TSPAN31: variants seen among roughly 807,000 people sequenced by gnomAD.
The protein encoded by TSPAN31 is tetraspanin 31.
In TSPAN31, 16 loss-of-function variants were observed where a neutral mutation model predicts 24.8. That is an observed-to-expected ratio of 0.64 (90% confidence interval 0.44 to 0.98). TSPAN31 has a LOEUF of 0.98. Ranked by LOEUF, TSPAN31 falls within the 50% of genes least tolerant of loss-of-function variation. TSPAN31 has a pLI of 0.00. For synonymous variants in TSPAN31, 87 were observed against 91.4 expected (o/e 0.95, Z 0.27); for missense variants, 209 against 251.6 (o/e 0.83, Z 1.15).
At position 57,745,055 on chromosome 12, in the gene TSPAN31, C is replaced by G. The variant is rs1955129840; in HGVS notation, c.-100C>G. On this transcript the variant is annotated 5_prime_UTR_variant, in exon 1 of 6. Transcript: ENST00000257910. ...GCGCAGAGTATTGGGTTTGGCTGGC[C>G]TCGATTTAAAGAGACAGAAGCTGTC... 1 of 1,196,128 alleles carries G rather than the reference C, an allele frequency of 8.4e-7. No homozygotes were observed. The highest frequency in any genetic ancestry group is 1.3e-5 in the South Asian group (1 of 76,106). The allele number at this position is 1,196,128 out of a possible 1,614,324, so 74.1% of individuals were successfully genotyped here.
rs2140382521 is a variant in TSPAN31, at chr12:57,749,166, C to T, written c.*1876C>T. On this transcript the variant is annotated 3_prime_UTR_variant, in exon 6 of 6. Transcript: ENST00000257910. ...GTCTCTATTTCTTTCCCTGTGCCCA[C>T]AGCCATCTCCAGTACCAGCAGCAGC... 6.2e-7 allele frequency: 1 copy of T among 1,614,036 alleles called. No individual in the cohort carries two copies. The highest frequency in any genetic ancestry group is 8.5e-7 in the Non-Finnish European group (1 of 1,179,856).
rs758702427 is a variant in TSPAN31, at chr12:57,746,208, CCAATTTGTAATCT to C, written c.266_278del (p.Gln89LeufsTer23). The C allele has an allele frequency of 6.2e-7, 1 of 1,614,172 alleles. No individual in the cohort carries two copies. Among genetic ancestry groups the C allele is most frequent in the Non-Finnish European group, 8.5e-7 (1 of 1,180,018 alleles). ...TCATCCTTGGTTTGGTCTTCATCTT[CCAATTTGTAATCT>C]CTTGCTCATGTCTGGCTATTAACCG... On this transcript the variant is annotated frameshift_variant, in exon 3 of 6. Coordinates refer to ENST00000257910, the MANE Select transcript of TSPAN31 (RefSeq NM_005981.5). LOFTEE classifies it high-confidence loss of function.
rs1487874911 is a variant in TSPAN31 at position 57,750,144 on chromosome 12, A to G, written c.*2854A>G. 2.7e-5 allele frequency: 4 copies of G among 148,058 alleles called. No homozygotes were observed. The highest frequency in any genetic ancestry group is 1.0e-4 in the African/African-American group (4 of 39,706). 9.2% of individuals were successfully genotyped at this position (148,058 alleles called of 1,614,324 possible). On this transcript the variant is annotated 3_prime_UTR_variant, in exon 6 of 6. Transcript: ENST00000257910. The stretch of plus-strand genomic sequence containing the variant: ...ACTCCAGCCTGGGTGACAGAGTGAA[A>G]CCTTATCTCAATAAATAAATAAATA...
Position 57,748,999 on chromosome 12 carries a change from C to T in TSPAN31, c.*1709C>T. 1 of 793,150 alleles carries T rather than the reference C, an allele frequency of 1.3e-6. No homozygotes were observed. The highest frequency in any genetic ancestry group is 1.6e-5 in the South Asian group (1 of 60,726). The allele number at this position is 793,150 out of a possible 1,614,324, so 49.1% of individuals were successfully genotyped here. A position where few individuals can be genotyped will look rare whatever the true frequency, so the allele number is the denominator to read the frequency against. ...GGGATTACAGGCGTGAGCCACCGTG[C>T]CCAGCCAGGATGGGTTCTCTTCTAT... is the stretch of plus-strand genomic sequence containing the variant. On this transcript the variant is annotated 3_prime_UTR_variant, in exon 6 of 6. Coordinates refer to ENST00000257910, the MANE Select transcript of TSPAN31 (RefSeq NM_005981.5).
intron 4 of TSPAN31, 59 bp downstream of exon 4, chr12:57,746,779 T>G (rs1955159758): frequency 1.2e-6 from 2 of 1,607,600 alleles, no homozygotes; most frequent in Non-Finnish European, 1.7e-6. Flanking sequence ...GTAAGGACAA[T>G]GCCCAAGTTG....
chr12:57,748,723 T>G lies in TSPAN31; in HGVS notation c.*1433T>G. The G allele has an allele frequency of 1.3e-6, 1 of 755,520 alleles. No homozygotes were observed. The highest frequency in any genetic ancestry group is 1.5e-5 in the South Asian group (1 of 66,494). 46.8% of individuals were successfully genotyped at this position (755,520 alleles called of 1,614,324 possible). A position where few individuals can be genotyped will look rare whatever the true frequency, so the allele number is the denominator to read the frequency against. ...CTTCTTTTTTCTTTTTTTTTTTTTT[T>G]GAGACGGAGTCTCGCTCTATCACCC... On this transcript the variant is annotated 3_prime_UTR_variant, in exon 6 of 6. Coordinates refer to ENST00000257910, the MANE Select transcript of TSPAN31 (RefSeq NM_005981.5).
At chr12:57,746,958 G>T in intron 4 of TSPAN31, 60 bp from the exon 5 acceptor site, 1 of 1,479,964 alleles carries the variant, frequency 6.8e-7, no homozygotes, top group South Asian at 1.1e-5. Context: ...ATTCGGCATA[G>T]GTATTAGTCA....
Position 57,749,233 on chromosome 12 carries a change from T to C in TSPAN31, c.*1943T>C, listed in dbSNP as rs752435107. The C allele has an allele frequency of 6.2e-7, 1 of 1,614,056 alleles. No homozygotes were observed. Among genetic ancestry groups the C allele is most frequent in the Non-Finnish European group, 8.5e-7 (1 of 1,179,904 alleles). ...CCATCTCAGGTACCACCGACTGCACTGGGCGGGGCCCTCTGGGGGGAAAGG... is the reference window on the plus strand; with the variant it reads ...CCATCTCAGGTACCACCGACTGCACCGGGCGGGGCCCTCTGGGGGGAAAGG... On this transcript the variant is annotated 3_prime_UTR_variant, in exon 6 of 6. Coordinates refer to ENST00000257910, the MANE Select transcript of TSPAN31 (RefSeq NM_005981.5).
At position 57,747,410 on chromosome 12, in the gene TSPAN31, C is replaced by A; in HGVS notation, c.*120C>A. ...AAAAAGGAAAGGCCCCTTGTCACAT[C>A]CTCTAAAATTGATGGAATAGCAAGA... On this transcript the variant is annotated 3_prime_UTR_variant, in exon 6 of 6. Coordinates refer to ENST00000257910, the MANE Select transcript of TSPAN31 (RefSeq NM_005981.5). The A allele has an allele frequency of 1.2e-6, 1 of 808,954 alleles. No homozygotes were observed. The highest frequency in any genetic ancestry group is 1.9e-6 in the Non-Finnish European group (1 of 513,406). The allele number at this position is 808,954 out of a possible 1,614,324, so 50.1% of individuals were successfully genotyped here.
chr12:57,748,489 C>T lies in TSPAN31; in HGVS notation c.*1199C>T, dbSNP rs2140380808. The T allele has an allele frequency of 2.0e-6, 3 of 1,471,562 alleles. No individual in the cohort carries two copies. The highest frequency in any genetic ancestry group is 2.9e-6 in the Non-Finnish European group (3 of 1,050,596). 91.2% of individuals were successfully genotyped at this position (1,471,562 alleles called of 1,614,324 possible). A position where few individuals can be genotyped will look rare whatever the true frequency, so the allele number is the denominator to read the frequency against. On this transcript the variant is annotated 3_prime_UTR_variant, in exon 6 of 6. Coordinates refer to ENST00000257910, the MANE Select transcript of TSPAN31 (RefSeq NM_005981.5). ...CTCTCAGTGTCCAGAAGGGAAATGG[C>T]AGCTTTTCTTCCTTCCATGGCAGCC... is the stretch of plus-strand genomic sequence containing the variant.
chr12:57,748,665 T>TGCC lies in TSPAN31; in HGVS notation c.*1376_*1378dup. ...GAAAACCATGAAGAAAACAGACTTC[T>TGCC]GCCCACCCACAACAATACCTGGGAT... On this transcript the variant is annotated 3_prime_UTR_variant, in exon 6 of 6. Coordinates refer to ENST00000257910, the MANE Select transcript of TSPAN31 (RefSeq NM_005981.5). 2 of 1,273,790 alleles carry TGCC rather than the reference T, an allele frequency of 1.6e-6. No homozygotes were observed. The highest frequency in any genetic ancestry group is 2.3e-6 in the Non-Finnish European group (2 of 870,586). 78.9% of individuals were successfully genotyped at this position (1,273,790 alleles called of 1,614,324 possible).
At position 57,749,056 on chromosome 12, in the gene TSPAN31, T is replaced by G; in HGVS notation, c.*1766T>G. On this transcript the variant is annotated 3_prime_UTR_variant, in exon 6 of 6. Coordinates refer to ENST00000257910, the MANE Select transcript of TSPAN31 (RefSeq NM_005981.5). ...CTCTGTGGGTGGCTATTTGCAGCTG[T>G]AATAAAAACTACAGCCCATCTACCA... is the stretch of plus-strand genomic sequence containing the variant. The G allele has an allele frequency of 8.2e-7, 1 of 1,214,860 alleles. No individual in the cohort carries two copies. Among genetic ancestry groups the G allele is most frequent in the Non-Finnish European group, 1.2e-6 (1 of 818,668 alleles). The allele number at this position is 1,214,860 out of a possible 1,614,324, so 75.3% of individuals were successfully genotyped here.
At chr12:57,745,269 G>C (rs774837915) in intron 1 of TSPAN31, 52 bp downstream of exon 1, 15 of 1,575,210 alleles carry the variant, frequency 9.5e-6, no homozygotes, top group Non-Finnish European at 1.3e-5. Context: ...CCCGTGGGGA[G>C]AATCTCTAGG....
chr12:57,746,578 A>G lies in TSPAN31; in HGVS notation c.313-11A>G, dbSNP rs764526597. ...AGGGAGACTTAATTTCCCTCTACCCATATCTTTCAGACAGATGTCATCAAT... is the reference window on the plus strand; with the variant it reads ...AGGGAGACTTAATTTCCCTCTACCCGTATCTTTCAGACAGATGTCATCAAT... On this transcript the variant is annotated splice_polypyrimidine_tract_variant and intron_variant, in intron 3 of 5. Coordinates refer to ENST00000257910, the MANE Select transcript of TSPAN31 (RefSeq NM_005981.5). 1.4e-5 allele frequency: 22 copies of G among 1,613,954 alleles called. No individual in the cohort carries two copies. The highest frequency in any genetic ancestry group is 1.6e-4 in the Middle Eastern group (1 of 6,084).
intron 1 of TSPAN31, 184 bp downstream of exon 1, chr12:57,745,401 T>C: frequency 4.7e-6 from 3 of 641,888 alleles, no homozygotes; most frequent in Non-Finnish European, 7.9e-6. Flanking sequence ...ATTAAGGGGG[T>C]TTGTCTGAGG....
Position 57,747,324 on chromosome 12 carries a change from C to G in TSPAN31, c.*34C>G, listed in dbSNP as rs1287821518. On this transcript the variant is annotated 3_prime_UTR_variant, in exon 6 of 6. Transcript: ENST00000257910. ...ATCCTTCTGACTTTTCTTCTGCTCT[C>G]TCTAAGCTTTCTCTTCCTCCCTTAG... is the stretch of plus-strand genomic sequence containing the variant. 6.3e-7 allele frequency: 1 copy of G among 1,596,316 alleles called. No individual in the cohort carries two copies. The highest frequency in any genetic ancestry group is 1.3e-5 in the African/African-American group (1 of 74,560).
Position 57,749,718 on chromosome 12 carries a change from GC to G in TSPAN31, c.*2430del, listed in dbSNP as rs1955210076. ...TCTCTTTTTTTAAAAAAAAAGAAAT[GC>G]CAGGTGCAGCGGCTCACGCCTGTAA... On this transcript the variant is annotated 3_prime_UTR_variant, in exon 6 of 6. Coordinates refer to ENST00000257910, the MANE Select transcript of TSPAN31 (RefSeq NM_005981.5). 1.7e-6 allele frequency: 1 copy of G among 603,184 alleles called. No individual in the cohort carries two copies. Among genetic ancestry groups the G allele is most frequent in the East Asian group, 2.8e-5 (1 of 35,444 alleles). 37.4% of individuals were successfully genotyped at this position (603,184 alleles called of 1,614,324 possible).
chr12:57,748,247 C>A lies in TSPAN31; in HGVS notation c.*957C>A. 10 of 357,220 alleles carry A rather than the reference C, an allele frequency of 2.8e-5. No individual in the cohort carries two copies. The highest frequency in any genetic ancestry group is 3.7e-5 in the South Asian group (1 of 27,296). The allele number at this position is 357,220 out of a possible 1,614,324, so 22.1% of individuals were successfully genotyped here. A position where few individuals can be genotyped will look rare whatever the true frequency, so the allele number is the denominator to read the frequency against. On this transcript the variant is annotated 3_prime_UTR_variant, in exon 6 of 6. Transcript: ENST00000257910. ...AAAAAAAAAAAAAAGACCATTATTT[C>A]TTTGTTTTGTTTTTCCTGTATAAAA... is the stretch of plus-strand genomic sequence containing the variant.
intron 3 of TSPAN31, 75 bp from the exon 4 acceptor site, chr12:57,746,514 G>T: frequency 6.3e-7 from 1 of 1,576,636 alleles, no homozygotes; most frequent in Non-Finnish European, 8.7e-7. Context: ...CCTTTGCTGG[G>T]CTAGGGAAAT....
Sources: allele counts gnomAD v4.1 joint callset, GRCh38; gene constraint gnomAD v4.1.1; transcripts MANE v1.5; gene names NCBI Gene and HGNC (gene_info 2026-07-23, HGNC 2026-07-21).